The following C17orf113 variants were observed in gnomAD, a reference collection of about 807,000 sequenced individuals.
The protein encoded by C17orf113 is chromosome 17 open reading frame 113.
In C17orf113, 5 loss-of-function variants were observed where a neutral mutation model predicts 11.6. The ratio of observed to expected loss-of-function variants is 0.43; its 90% confidence interval spans 0.23 to 0.91. The LOEUF is 0.91. Ranked by LOEUF, C17orf113 falls within the 40% of genes least tolerant of loss-of-function variation. The pLI is 0.26. For missense variants in C17orf113, 714 were observed against 841.3 expected (o/e 0.85, Z 1.87); for synonymous variants, 327 against 390.6 (o/e 0.84, Z 1.92).
chr17:42,044,657 G>C (rs2053112311), intron 1 of C17orf113, among the ~76,000 whole-genome samples: 1 of 151,882 alleles, frequency 6.6e-6, no homozygotes, highest in Non-Finnish European at 1.5e-5. Context: ...GCAGAAAGCT[G>C]ATTCTTTCCA....
At position 42,041,137 on chromosome 17, in the gene C17orf113, G is replaced by C. The variant is rs2053009790; in HGVS notation, c.596C>G (p.Ser199Cys). The change falls in exon 3 of 3, where the codon TCC becomes TGC. Residue 199 changes from serine (S) to cysteine (C), a missense_variant. Ser to Cys is a moderately radical substitution (Grantham distance 112). Coordinates refer to ENST00000587304, the MANE Select transcript of C17orf113 (RefSeq NM_001358661.2). ...GTCCAACACCAGCCCCACATATGGG[G>C]ATGCCTTCAGGCGCTGGCAGGCCTC... ...HTEACQRLKASPYVGLVLDET... is the reference protein window; with the variant it reads ...HTEACQRLKACPYVGLVLDET... 1 of 1,232,194 alleles carries C rather than the reference G, an allele frequency of 8.1e-7. No homozygotes were observed. Among genetic ancestry groups the C allele is most frequent in the African/African-American group, 1.6e-5 (1 of 64,432 alleles). The allele number at this position is 1,232,194 out of a possible 1,614,324, so 76.3% of individuals were successfully genotyped here. A position where few individuals can be genotyped will look rare whatever the true frequency, so the allele number is the denominator to read the frequency against.
rs1432564283 is a variant in C17orf113, at chr17:42,040,988, C to T, written c.745G>A (p.Ala249Thr). Residue 249 changes from alanine to threonine, a missense_variant, in exon 3 of 3, where the codon GCT becomes ACT. Physicochemically the swap from Ala to Thr is moderately conservative, Grantham distance 58. Around this residue, in one of 3 missense-constraint regions of C17orf113, gnomAD observed 516 missense variants for 626.6 expected, o/e 0.82. Coordinates refer to ENST00000587304, the MANE Select transcript of C17orf113 (RefSeq NM_001358661.2). ...SVELQEGEAT[A>T]GQLLDILQAF... Reference sequence around the variant, plus strand: ...TGCAGGATGTCCAAGAGCTGGCCAGCAGTGGCCTCGCCCTCCTGTAGCTCC... The same window carrying T: ...TGCAGGATGTCCAAGAGCTGGCCAGTAGTGGCCTCGCCCTCCTGTAGCTCC... 1.6e-6 allele frequency: 2 copies of T among 1,232,296 alleles called. No homozygotes were observed. Among genetic ancestry groups the T allele is most frequent in the East Asian group, 3.2e-5 (1 of 31,714 alleles). The allele number at this position is 1,232,296 out of a possible 1,614,324, so 76.3% of individuals were successfully genotyped here. A position where few individuals can be genotyped will look rare whatever the true frequency, so the allele number is the denominator to read the frequency against.
At chr17:42,041,635 T>TG (rs1477455791) in intron 2 of C17orf113, among the ~76,000 whole-genome samples, 1 of 152,164 alleles carries the variant, frequency 6.6e-6, no homozygotes, top group Non-Finnish European at 1.5e-5. Context: ...GCCCTATTCC[T>TG]GGGGGTCTCC....
At position 42,040,237 on chromosome 17, in the gene C17orf113, C is replaced by G; in HGVS notation, c.1496G>C (p.Arg499Pro). 2 of 1,231,600 alleles carry G rather than the reference C, an allele frequency of 1.6e-6. No individual in the cohort carries two copies. The highest frequency in any genetic ancestry group is 2.0e-6 in the Non-Finnish European group (2 of 987,842). The allele number at this position is 1,231,600 out of a possible 1,614,324, so 76.3% of individuals were successfully genotyped here. ...WLRGSFLDSMRKGLQDSYPGP... is the reference protein window; with the variant it reads ...WLRGSFLDSMPKGLQDSYPGP... ...GGGGTAGGAGTCCTGTAGGCCCTTC[C>G]GCATGGAGTCCAGGAAGGATCCCCG... The change falls in exon 3 of 3, where the codon CGG (arginine) becomes CCG (proline). Residue 499 changes from arginine to proline, a missense_variant. By Grantham distance (103) the Arg-to-Pro change is moderately radical (BLOSUM62 -2). Transcript: ENST00000587304.
At chr17:42,048,645 GC>G (rs1281031363) in intron 1 of C17orf113, among the ~76,000 whole-genome samples, 1 of 152,106 alleles carries the variant, frequency 6.6e-6, no homozygotes, top group Non-Finnish European at 1.5e-5. Flanking sequence ...CCAGAAACCT[GC>G]CCTTCAATCC....
chr17:42,040,484 CA>C lies in C17orf113; in HGVS notation c.1248del (p.Val417SerfsTer16). On this transcript the variant is annotated frameshift_variant, in exon 3 of 3. Coordinates refer to ENST00000587304, the MANE Select transcript of C17orf113 (RefSeq NM_001358661.2). LOFTEE classifies it low-confidence loss of function (END_TRUNC). ...DALPSVQKLS[L>X]VLQAEEPDLA... is the part of the protein sequence containing the mutation. ...AAGTCCGGCTCTTCTGCCTGCAGGACAAGGGAGAGCTTCTGCACAGAGGGCA... is the reference window on the plus strand; with the variant it reads ...AAGTCCGGCTCTTCTGCCTGCAGGACAGGGAGAGCTTCTGCACAGAGGGCA... 1 of 1,232,358 alleles carries C rather than the reference CA, an allele frequency of 8.1e-7. No homozygotes were observed. The highest frequency in any genetic ancestry group is 1.0e-6 in the Non-Finnish European group (1 of 988,124). 76.3% of individuals were successfully genotyped at this position (1,232,358 alleles called of 1,614,324 possible).
rs2053062176 is a variant in C17orf113 at position 42,043,021 on chromosome 17, C to A, written c.356G>T (p.Gly119Val). 1 of 1,232,326 alleles carries A rather than the reference C, an allele frequency of 8.1e-7. No individual in the cohort carries two copies. The highest frequency in any genetic ancestry group is 4.2e-5 in the Admixed American group (1 of 23,722). 76.3% of individuals were successfully genotyped at this position (1,232,326 alleles called of 1,614,324 possible). Residue 119 changes from glycine to valine, a missense_variant, in exon 2 of 3, where the codon GGC (glycine) becomes GTC (valine). Around this residue, in one of 3 missense-constraint regions of C17orf113, gnomAD observed 516 missense variants for 626.6 expected, o/e 0.82. Coordinates refer to ENST00000587304, the MANE Select transcript of C17orf113 (RefSeq NM_001358661.2). The stretch of plus-strand genomic sequence containing the variant: ...GGCCGGGTCTAACTCCACCTTGACG[C>A]CCCTGGAGGCAGGGGTCGTAGCCAG... ...PGLATTPASR[G>V]VKVELDPAKV...
chr17:42,044,140 T>TAA (rs35206698), intron 1 of C17orf113, among the ~76,000 whole-genome samples: 58,681 of 83,252 alleles, frequency 0.7, 22,278 homozygotes, highest in Non-Finnish European at 0.83. Context: ...ACCCCATCTC[T>TAA]AAAAAAAAAA....
chr17:42,040,734 A>G lies in C17orf113; in HGVS notation c.999T>C (p.Pro333=). The change falls in exon 3 of 3, where the codon CCT becomes CCC. Residue 333 remains proline, a synonymous_variant. Coordinates refer to ENST00000587304, the MANE Select transcript of C17orf113 (RefSeq NM_001358661.2). ...LHGGPSSHLV[P]ELRAALDLAA... is the part of the protein sequence containing the mutation. ...CAAGGTCCAGTGCTGCCCGGAGCTCAGGGACCAAGTGGGAACTAGGGCCAC... is the reference window on the plus strand; with the variant it reads ...CAAGGTCCAGTGCTGCCCGGAGCTCGGGGACCAAGTGGGAACTAGGGCCAC... 8.1e-7 allele frequency: 1 copy of G among 1,232,344 alleles called. No homozygotes were observed. Among genetic ancestry groups the G allele is most frequent in the Non-Finnish European group, 1.0e-6 (1 of 988,112 alleles). 76.3% of individuals were successfully genotyped at this position (1,232,344 alleles called of 1,614,324 possible).
At position 42,038,470 on chromosome 17, in the gene C17orf113, G is replaced by T; in HGVS notation, c.*1235C>A. 1 of 175,280 alleles carries T rather than the reference G, an allele frequency of 5.7e-6. No homozygotes were observed. The highest frequency in any genetic ancestry group is 1.2e-5 in the Non-Finnish European group (1 of 84,538). The allele number at this position is 175,280 out of a possible 1,614,324, so 10.9% of individuals were successfully genotyped here. A position where few individuals can be genotyped will look rare whatever the true frequency, so the allele number is the denominator to read the frequency against. ...GGAGGTAAATAAGCCAACATTCCTG[G>T]GTTGGGCCTCGACGCCAGTCCTTGG... On this transcript the variant is annotated 3_prime_UTR_variant, in exon 3 of 3. Transcript: ENST00000587304.
Position 42,040,684 on chromosome 17 carries a change from C to T in C17orf113, c.1049G>A (p.Arg350Gln), listed in dbSNP as rs2052997150. The T allele has an allele frequency of 2.4e-6, 3 of 1,232,114 alleles. No individual in the cohort carries two copies. The highest frequency in any genetic ancestry group is 8.2e-5 in the South Asian group (2 of 24,324). The allele number at this position is 1,232,114 out of a possible 1,614,324, so 76.3% of individuals were successfully genotyped here. A position where few individuals can be genotyped will look rare whatever the true frequency, so the allele number is the denominator to read the frequency against. Residue 350 changes from arginine (R) to glutamine (Q), a missense_variant, in exon 3 of 3, where the codon CGG becomes CAG. Physicochemically the swap from Arg to Gln is conservative, Grantham distance 43. Coordinates refer to ENST00000587304, the MANE Select transcript of C17orf113 (RefSeq NM_001358661.2). ...CAGCAGGGAGGCCCAGGGCACTGGC[C>T]GAGGCCCTGCCAAGTCAATAGCTGC... is the stretch of plus-strand genomic sequence containing the variant. ...DLAAIDLAGP[R>Q]PVPWASLLPV...
chr17:42,041,325 C>T, intron 2 of C17orf113, 136 bp from the exon 3 acceptor site: 1 of 734,496 alleles, frequency 1.4e-6, no homozygotes, highest in Non-Finnish European at 1.9e-6. Context: ...CCTGGCTTTG[C>T]CACTTACTGG....
Position 42,040,097 on chromosome 17 carries a change from G to C in C17orf113, c.1636C>G (p.Arg546Gly), listed in dbSNP as rs948354510. The C allele has an allele frequency of 9.7e-5, 120 of 1,231,304 alleles. No homozygotes were observed. The highest frequency in any genetic ancestry group is 3.0e-4 in the Admixed American group (7 of 23,706). The allele number at this position is 1,231,304 out of a possible 1,614,324, so 76.3% of individuals were successfully genotyped here. The change falls in exon 3 of 3, where the codon CGC becomes GGC. Residue 546 changes from arginine to glycine, a missense_variant. Arg to Gly is a moderately radical substitution (Grantham distance 125). Coordinates refer to ENST00000587304, the MANE Select transcript of C17orf113 (RefSeq NM_001358661.2). ...CGCACCACGGCAGGAGCAAAGCCGC[G>C]CAGCAGCACCCGCAGCGCCCCCTCG... ...HGEGALRVLLRGFAPAVVRQR... is the reference protein window; with the variant it reads ...HGEGALRVLLGGFAPAVVRQR...
Position 42,040,850 on chromosome 17 carries a change from G to T in C17orf113, c.883C>A (p.Leu295Met). 1 of 1,232,354 alleles carries T rather than the reference G, an allele frequency of 8.1e-7. No homozygotes were observed. The highest frequency in any genetic ancestry group is 3.2e-5 in the East Asian group (1 of 31,716). 76.3% of individuals were successfully genotyped at this position (1,232,354 alleles called of 1,614,324 possible). ...TCTGTCCGGCCAGGGAGACAATGCA[G>T]CTCTGCCAGCAGTGGGCAAGTGGCC... ...LRATCPLLAE[L>M]HCLPGRTDPE... The change falls in exon 3 of 3, where the codon CTG (leucine) becomes ATG (methionine). Residue 295 changes from leucine (L) to methionine (M), a missense_variant. Leu to Met is a conservative substitution (Grantham distance 15). Transcript: ENST00000587304.
Position 42,039,894 on chromosome 17 carries a change from C to A in C17orf113, c.1839G>T (p.Leu613=), listed in dbSNP as rs1555655910. ...LALALPAGAG[L]LDKVGRSREL... is the part of the protein sequence containing the mutation. ...CCCGGCTGCGGCCGACCTTGTCCAGCAGGCCAGCGCCCGCGGGCAGCGCCA... is the reference window on the plus strand; with the variant it reads ...CCCGGCTGCGGCCGACCTTGTCCAGAAGGCCAGCGCCCGCGGGCAGCGCCA... Residue 613 remains leucine, a synonymous_variant, in exon 3 of 3, where the codon CTG becomes CTT. Transcript: ENST00000587304. 4 of 1,231,358 alleles carry A rather than the reference C, an allele frequency of 3.2e-6. No individual in the cohort carries two copies. The highest frequency in any genetic ancestry group is 4.0e-6 in the Non-Finnish European group (4 of 987,734). 76.3% of individuals were successfully genotyped at this position (1,231,358 alleles called of 1,614,324 possible). A position where few individuals can be genotyped will look rare whatever the true frequency, so the allele number is the denominator to read the frequency against.
In C17orf113 at chr17:42,039,806, C is replaced by A; in HGVS notation, c.1927G>T (p.Ala643Ser). 2 of 1,232,022 alleles carry A rather than the reference C, an allele frequency of 1.6e-6. No homozygotes were observed. Among genetic ancestry groups the A allele is most frequent in the Non-Finnish European group, 2.0e-6 (2 of 987,962 alleles). The allele number at this position is 1,232,022 out of a possible 1,614,324, so 76.3% of individuals were successfully genotyped here. A position where few individuals can be genotyped will look rare whatever the true frequency, so the allele number is the denominator to read the frequency against. The change falls in exon 3 of 3, where the codon GCA (alanine) becomes TCA (serine). Residue 643 changes from alanine to serine, a missense_variant. Physicochemically the swap from Ala to Ser is moderately conservative, Grantham distance 99. Around this residue, in one of 3 missense-constraint regions of C17orf113, gnomAD observed 194 missense variants for 197.2 expected, o/e 0.98. Coordinates refer to ENST00000587304, the MANE Select transcript of C17orf113 (RefSeq NM_001358661.2). The part of the protein sequence containing the change: ...EGRGGHMVKI[A>S]VDGPPLHEFD... ...TCGTGCAGCGGGGGCCCATCCACTG[C>A]GATCTTCACCATGTGGCCCCCCCGG...
In C17orf113 at chr17:42,040,189, G is replaced by T. The variant is rs377217322; in HGVS notation, c.1544C>A (p.Ala515Asp). 1.6e-6 allele frequency: 2 copies of T among 1,231,600 alleles called. No individual in the cohort carries two copies. The highest frequency in any genetic ancestry group is 2.0e-6 in the Non-Finnish European group (2 of 987,842). 76.3% of individuals were successfully genotyped at this position (1,231,600 alleles called of 1,614,324 possible). A position where few individuals can be genotyped will look rare whatever the true frequency, so the allele number is the denominator to read the frequency against. The change falls in exon 3 of 3, where the codon GCC (alanine) becomes GAC (aspartate). Residue 515 changes from alanine to aspartate, a missense_variant. Ala to Asp is a moderately radical substitution (Grantham distance 126). Transcript: ENST00000587304. ...GGGGTCGAAGATCGCTGCGAAGGCG[G>T]CCACGGCGTCCAGCGAAGGCCCGGG... ...SYPGPSLDAVAAFAAIFDPRR... is the reference protein window; with the variant it reads ...SYPGPSLDAVDAFAAIFDPRR...
chr17:42,038,307 C>G lies in C17orf113; in HGVS notation c.*1398G>C. 2 of 495,380 alleles carry G rather than the reference C, an allele frequency of 4.0e-6. No individual in the cohort carries two copies. Among genetic ancestry groups the G allele is most frequent in the Non-Finnish European group, 7.2e-6 (2 of 279,372 alleles). The allele number at this position is 495,380 out of a possible 1,614,324, so 30.7% of individuals were successfully genotyped here. On this transcript the variant is annotated 3_prime_UTR_variant, in exon 3 of 3. Coordinates refer to ENST00000587304, the MANE Select transcript of C17orf113 (RefSeq NM_001358661.2). ...ATTAGGAAAAGGCTAGCCCTCGCCC[C>G]TCTCACTCTCTAACTATCCTCCCTC...
chr17:42,043,356 T>C lies in C17orf113; in HGVS notation c.21A>G (p.Lys7=). The part of the protein sequence containing the change: MVPPGK[K]PAGEASNSNK... ...TGGAGTTGGAGGCCTCTCCCGCTGGTTTCTTCCCTGGGGGCACCATTCTTG... is the reference window on the plus strand; with the variant it reads ...TGGAGTTGGAGGCCTCTCCCGCTGGCTTCTTCCCTGGGGGCACCATTCTTG... The change falls in exon 2 of 3, where the codon AAA becomes AAG. Residue 7 remains lysine (K), a synonymous_variant. Transcript: ENST00000587304. The C allele has an allele frequency of 8.1e-7, 1 of 1,232,188 alleles. No homozygotes were observed. The highest frequency in any genetic ancestry group is 1.0e-6 in the Non-Finnish European group (1 of 988,010). The allele number at this position is 1,232,188 out of a possible 1,614,324, so 76.3% of individuals were successfully genotyped here. A position where few individuals can be genotyped will look rare whatever the true frequency, so the allele number is the denominator to read the frequency against.
Sources: gnomAD v4.1 joint callset for allele counts (sites outside exome capture counted in the v4.1 genomes callset) on GRCh38, gnomAD v4.1.1 for gene constraint, gnomAD v4.1.1 regional missense constraint, MANE v1.5 for transcripts, NCBI Gene and HGNC (gene_info 2026-07-23, HGNC 2026-07-21) for gene names.